Variants in EPB42 observed in about 807,000 individuals in gnomAD.
The protein encoded by EPB42 is protein 4.2.
EPB42 carries 49 observed loss-of-function variants against 76.9 expected under a neutral mutation model. The observed-to-expected ratio is 0.64, with a 90% CI of 0.51 to 0.81. The LOEUF (loss-of-function observed/expected upper bound fraction) is 0.81, where lower values mean the gene tolerates loss of function less well. Among genes scored for constraint, EPB42 ranks in the 30% least tolerant of loss-of-function variants. EPB42 has a pLI of 0.00. For synonymous variants in EPB42, 310 were observed against 338.4 expected (o/e 0.92, Z 0.92); for missense variants, 731 against 867.6 (o/e 0.84, Z 1.98).
At chr15:43,211,998 T>G (rs932820441) in intron 3 of EPB42, among the ~76,000 whole-genome samples, 1 of 151,702 alleles carries the variant, frequency 6.6e-6, no homozygotes, top group African/African-American at 2.4e-5. Flanking sequence ...GCCCAGGAGT[T>G]TGAGGTTGCA....
Position 43,210,362 on chromosome 15 carries a change from C to T in EPB42, c.627G>A (p.Val209=). ...AGGCACCCAACACACGGGCCACGTG[C>T]ACCGGCTGGCTCCACTTCTCTACCT... The part of the protein sequence containing the change: ...DKQVEKWSQP[V]HVARVLGALL... The change falls in exon 5 of 13, where the codon GTG becomes GTA. Residue 209 remains valine, a synonymous_variant. Transcript: ENST00000441366. 6.2e-7 allele frequency: 1 copy of T among 1,613,880 alleles called. No homozygotes were observed. Among genetic ancestry groups the T allele is most frequent in the Non-Finnish European group, 8.5e-7 (1 of 1,179,990 alleles).
At chr15:43,210,506 G>A in intron 4 of EPB42, 67 bp from the exon 5 acceptor site, 3 of 1,406,000 alleles carry the variant, frequency 2.1e-6, no homozygotes, top group South Asian at 2.3e-5. Flanking sequence ...GGGTCCCCAG[G>A]TCAGGCACTC....
intron 12 of EPB42, 125 bp downstream of exon 12, chr15:43,201,719 T>C: frequency 7.2e-7 from 1 of 1,389,910 alleles, no homozygotes; most frequent in Non-Finnish European, 1.0e-6. Context: ...CCTAATCCTT[T>C]AGTTTAGTTT....
Position 43,207,376 on chromosome 15 carries a change from C to T in EPB42, c.1141G>A (p.Ala381Thr). 6.2e-7 allele frequency: 1 copy of T among 1,614,220 alleles called. No homozygotes were observed. Among genetic ancestry groups the T allele is most frequent in the Non-Finnish European group, 8.5e-7 (1 of 1,180,036 alleles). The change falls in exon 9 of 13, where the codon GCA becomes ACA. Residue 381 changes from alanine to threonine, a missense_variant. Coordinates refer to ENST00000441366, the MANE Select transcript of EPB42 (RefSeq NM_001114134.2). ...VKEGTLGLTPAVSDLFAAINA... is the reference protein window; with the variant it reads ...VKEGTLGLTPTVSDLFAAINA... ...ATGGCAGCAAAAAGGTCTGACACTG[C>T]TGGGGTCAGCCCCAGCGTCCCCTCC...
rs781327273 is a variant in EPB42 at position 43,209,468 on chromosome 15, G to A, written c.655-17C>T. ...AAAATGCAGCTGTTTGGGGAAATGT[G>A]TGGATGTCAGTATGAGTCCCTTGGG... On this transcript the variant is annotated splice_polypyrimidine_tract_variant and intron_variant, in intron 5 of 12. Coordinates refer to ENST00000441366, the MANE Select transcript of EPB42 (RefSeq NM_001114134.2). 5 of 1,604,620 alleles carry A rather than the reference G, an allele frequency of 3.1e-6. No homozygotes were observed. In the Admixed American group the frequency reaches 5.0e-5, roughly 16 times the overall value.
chr15:43,198,792 G>A (rs778592250), intron 12 of EPB42, among the ~76,000 whole-genome samples: 4 of 152,172 alleles, frequency 2.6e-5, no homozygotes, highest in Non-Finnish European at 5.9e-5. Flanking sequence ...AGTGGGCCAG[G>A]CCCAGGGTTC....
Position 43,203,292 on chromosome 15 carries a change from G to A in EPB42, c.1619-17C>T, listed in dbSNP as rs1188467006. 1.2e-6 allele frequency: 2 copies of A among 1,614,114 alleles called. No homozygotes were observed. The highest frequency in any genetic ancestry group is 1.7e-5 in the Admixed American group (1 of 60,014). On this transcript the variant is annotated splice_polypyrimidine_tract_variant and intron_variant, in intron 10 of 12. Transcript: ENST00000441366. ...TTATCTTTTCTGAAACACATGACAG[G>A]TGGAGTCAGTGGCAACAGGTGTATG...
At position 43,208,735 on chromosome 15, in the gene EPB42, C is replaced by T. The variant is rs552538029; in HGVS notation, c.873G>A (p.Thr291=). 7.4e-6 allele frequency: 12 copies of T among 1,614,060 alleles called. No individual in the cohort carries two copies. Among genetic ancestry groups the T allele is most frequent in the East Asian group, 6.7e-5 (3 of 44,898 alleles). ...CLGIPARVVT[T]FASAQGTGGR... ...CACCGGTGCCCTGTGCTGAGGCAAA[C>T]GTGGTCACCACGCGGGCAGGGATTC... The change falls in exon 7 of 13, where the codon ACG becomes ACA. Residue 291 remains threonine (T), a synonymous_variant. Coordinates refer to ENST00000441366, the MANE Select transcript of EPB42 (RefSeq NM_001114134.2).
chr15:43,219,877 C>T (rs1235274662), intron 1 of EPB42, among the ~76,000 whole-genome samples: 5 of 149,050 alleles, frequency 3.4e-5, no homozygotes, highest in Non-Finnish European at 5.9e-5. Context: ...ACCCAGGAGG[C>T]GGAGGTTGCA....
At chr15:43,207,897 C>T (rs560739957) in intron 8 of EPB42, among the ~76,000 whole-genome samples, 1 of 152,278 alleles carries the variant, frequency 6.6e-6, no homozygotes, top group Non-Finnish European at 1.5e-5. Flanking sequence ...TCATCCGTGT[C>T]CAGAACCTCA....
intron 8 of EPB42, 82 bp downstream of exon 8, chr15:43,208,148 C>T: frequency 8.0e-7 from 1 of 1,257,758 alleles, no homozygotes; most frequent in Non-Finnish European, 1.2e-6. Flanking sequence ...CCCCTTGGGA[C>T]TGCCTGCTGC....
intron 4 of EPB42, among the ~76,000 whole-genome samples, chr15:43,211,112 G>A (rs2042289246): frequency 6.6e-6 from 1 of 152,186 alleles, no homozygotes; most frequent in African/African-American, 2.4e-5. Context: ...ATGGGGAAAG[G>A]AAAGCAGGGT....
intron 12 of EPB42, among the ~76,000 whole-genome samples, chr15:43,197,995 G>T (rs563395638): frequency 6.6e-6 from 1 of 152,320 alleles, no homozygotes; most frequent in South Asian, 2.1e-4. Context: ...CACCCTGTTA[G>T]AAGTGCCTTT....
upstream of EPB42, among the ~76,000 whole-genome samples, chr15:43,221,821 TAAAAAAAA>T (rs56939497): frequency 5.6e-5 from 6 of 107,454 alleles, no homozygotes; most frequent in Admixed American, 1.0e-4. Context: ...TCTTATTATG[TAAAAAAAA>T]AAAAAAAAAA....
rs1439802882 is a variant in EPB42, at chr15:43,207,301, A to G, written c.1216T>C (p.Leu406=). 4 of 1,614,052 alleles carry G rather than the reference A, an allele frequency of 2.5e-6. No homozygotes were observed. In the Admixed American group the frequency reaches 6.7e-5, roughly 27 times the overall value. ...WKCCEDGTLE[L]TDSNTKYVGN... is the part of the protein sequence containing the mutation. ...ACATACTTTGTGTTGGAGTCAGTCA[A>G]CTCCAGTGTCCCATCCTCACAGCAC... The change falls in exon 9 of 13, where the codon TTG becomes CTG. Residue 406 remains leucine, a synonymous_variant. Transcript: ENST00000441366.
At chr15:43,197,897 A>G (rs892206075) in intron 12 of EPB42, among the ~76,000 whole-genome samples, 6 of 152,134 alleles carry the variant, frequency 3.9e-5, no homozygotes, top group African/African-American at 1.4e-4. Flanking sequence ...TTCCTGTGCT[A>G]TTCTCGTGAT....
In EPB42 at chr15:43,208,339, T is replaced by C. The variant is rs1236984085; in HGVS notation, c.972-6A>G. The C allele has an allele frequency of 6.2e-7, 1 of 1,613,782 alleles. No individual in the cohort carries two copies. The highest frequency in any genetic ancestry group is 2.2e-5 in the East Asian group (1 of 44,882). ...CTGTGGAAGTCTGGAAGATCCTGAA[T>C]GCAGCAAAGAGAAAAATTCAAGTGG... On this transcript the variant is annotated splice_polypyrimidine_tract_variant and splice_region_variant and intron_variant, in intron 7 of 12. Transcript: ENST00000441366.
chr15:43,212,220 T>G (rs2042309126), intron 3 of EPB42, among the ~76,000 whole-genome samples: 2 of 150,806 alleles, frequency 1.3e-5, no homozygotes, highest in Admixed American at 1.3e-4. Context: ...ATACAAAAAA[T>G]TAGGTGGGTG....
chr15:43,215,131 C>T lies in EPB42; in HGVS notation c.394G>A (p.Gly132Ser). 1 of 1,614,178 alleles carries T rather than the reference C, an allele frequency of 6.2e-7. No individual in the cohort carries two copies. Among genetic ancestry groups the T allele is most frequent in the Non-Finnish European group, 8.5e-7 (1 of 1,180,042 alleles). ...GGGTTAAAAAGCAGTGTGAACTGACCCAAGAGGAGTTGCTTCCTGCCTGAG... is the reference window on the plus strand; with the variant it reads ...GGGTTAAAAAGCAGTGTGAACTGACTCAAGAGGAGTTGCTTCCTGCCTGAG... ...QVSGRKQLLL[G>S]QFTLLFNPWN... Residue 132 changes from glycine to serine, a missense_variant, in exon 3 of 13, where the codon GGT becomes AGT. Coordinates refer to ENST00000441366, the MANE Select transcript of EPB42 (RefSeq NM_001114134.2).
Sources: gnomAD v4.1 joint callset for allele counts (sites outside exome capture counted in the v4.1 genomes callset) on GRCh38, gnomAD v4.1.1 for gene constraint, MANE v1.5 for transcripts, NCBI Gene and HGNC (gene_info 2026-07-23, HGNC 2026-07-21) for gene names.